The following ZNF385B variants were observed in gnomAD, a reference collection of about 807,000 sequenced individuals.
The protein encoded by ZNF385B is zinc finger protein 533.
ZNF385B carries 23 observed loss-of-function variants against 39.2 expected under a neutral mutation model. That is an observed-to-expected ratio of 0.59 (90% CI 0.42 to 0.83). The LOEUF (loss-of-function observed/expected upper bound fraction) is 0.83, where lower values mean the gene tolerates loss of function less well. Among genes scored for constraint, ZNF385B ranks in the 40% least tolerant of loss-of-function variants. The probability of loss-of-function intolerance (pLI) is 0.00; values close to 1 mark genes in which losing one functional copy is unlikely to be tolerated. For missense variants in ZNF385B, 552 were observed against 598.9 expected, an observed-to-expected ratio of 0.92 and a Z score of 0.82; for synonymous variants, 205 against 222.6, an observed-to-expected ratio of 0.92 and a Z score of 0.70.
intron 8 of ZNF385B, among the ~76,000 whole-genome samples, 181 bp downstream of exon 8, chr2:179,445,369 C>T (rs1291460818): frequency 1.3e-5 from 2 of 152,140 alleles, no homozygotes; most frequent in South Asian, 4.1e-4. Context: ...ACAGTAGATG[C>T]TCAAATATTT....
intron 1 of ZNF385B, among the ~76,000 whole-genome samples, chr2:179,791,202 C>T (rs1374872005): frequency 6.6e-6 from 1 of 152,140 alleles, no homozygotes. Flanking sequence ...TTTTTGTTGA[C>T]TCCTGGTTTT....
rs143220723 is a variant in ZNF385B, at chr2:179,728,606, A to C, written c.298+40897T>G. Reference sequence around the variant, plus strand: ...CCCATAGTTAATATGTTTTTAGCCCAAAATTTTTTAAAACTTTGATTTTAA... The same window carrying C: ...CCCATAGTTAATATGTTTTTAGCCCCAAATTTTTTAAAACTTTGATTTTAA... On this transcript the variant is annotated intron_variant, in intron 3 of 9. Transcript: ENST00000410066. Among the ~76,000 whole-genome samples, 260 of 152,280 alleles carry C rather than the reference A, an allele frequency of 1.7e-3. 3 individuals carry two copies. Among genetic ancestry groups the C allele is most frequent in the African/African-American group, 5.9e-3 (246 of 41,578 alleles).
chr2:179,527,038 T>A (rs1375880966), intron 4 of ZNF385B, among the ~76,000 whole-genome samples: 12 of 152,216 alleles, frequency 7.9e-5, no homozygotes, highest in Admixed American at 2.0e-4. Context: ...ACAGGTTACA[T>A]TACATCTAAG....
intron 1 of ZNF385B, among the ~76,000 whole-genome samples, chr2:179,794,802 G>A (rs1450796925): frequency 6.6e-6 from 1 of 152,042 alleles, no homozygotes; most frequent in African/African-American, 2.4e-5. Flanking sequence ...TGGATGAGAT[G>A]GGGACACCGC....
At chr2:179,499,923 T>TA (rs902802273) in intron 5 of ZNF385B, among the ~76,000 whole-genome samples, 2 of 151,790 alleles carry the variant, frequency 1.3e-5, no homozygotes, top group Admixed American at 6.6e-5. Context: ...TTAGGACTGA[T>TA]AAAAAAAATT....
chr2:179,452,317 C>A (rs867531904), intron 6 of ZNF385B, among the ~76,000 whole-genome samples: 4 of 152,086 alleles, frequency 2.6e-5, no homozygotes, highest in South Asian at 4.1e-4. Flanking sequence ...ACCCTTATTT[C>A]TTACTCCAAA....
intron 1 of ZNF385B, among the ~76,000 whole-genome samples, chr2:179,780,953 AAAAT>A (rs1704628389): frequency 6.6e-6 from 1 of 152,216 alleles, no homozygotes; most frequent in South Asian, 2.1e-4. Context: ...TAAATTGAAC[AAAAT>A]GCCCAGTCAA....
intron 3 of ZNF385B, among the ~76,000 whole-genome samples, chr2:179,574,486 C>A (rs991896483): frequency 6.6e-6 from 1 of 152,148 alleles, no homozygotes; most frequent in South Asian, 2.1e-4. Flanking sequence ...TAAGGAGCAG[C>A]GTGGGCTAAA....
rs767057398 is a variant in ZNF385B at position 179,549,138 on chromosome 2, T to A, written c.299-4169A>T. On this transcript the variant is annotated intron_variant, in intron 3 of 9. Coordinates refer to ENST00000410066, the MANE Select transcript of ZNF385B (RefSeq NM_152520.6). ...AGGTTTATCTATGTTGTAGCACGTATCAGAATTTCATTCATTTTTAAGGCT... is the reference window on the plus strand; with the variant it reads ...AGGTTTATCTATGTTGTAGCACGTAACAGAATTTCATTCATTTTTAAGGCT... 7.4e-5 allele frequency among the ~76,000 whole-genome samples: 11 copies of A among 149,634 alleles called. 1 individual carries two copies. Among genetic ancestry groups the A allele is most frequent in the Non-Finnish European group, 1.0e-4 (7 of 67,678 alleles).
At chr2:179,840,546 T>G (rs544837342) in intron 1 of ZNF385B, among the ~76,000 whole-genome samples, 4 of 152,332 alleles carry the variant, frequency 2.6e-5, no homozygotes, top group African/African-American at 7.2e-5. Flanking sequence ...AGGAGAGAGA[T>G]AAATTCAGTA....
In ZNF385B at chr2:179,518,713, T is replaced by A. The variant is rs1235352276; in HGVS notation, c.442-75A>T. On this transcript the variant is annotated intron_variant, in intron 4 of 9. Coordinates refer to ENST00000410066, the MANE Select transcript of ZNF385B (RefSeq NM_152520.6). Reference sequence around the variant, plus strand: ...AACAGTGTGAGCAAATAACAGTAGTTGAAATATTCCATAAAGTTTAAACTT... The same window carrying A: ...AACAGTGTGAGCAAATAACAGTAGTAGAAATATTCCATAAAGTTTAAACTT... 5 of 846,478 alleles carry A rather than the reference T, an allele frequency of 5.9e-6. 1 individual carries two copies. In the Middle Eastern group the frequency reaches 1.2e-3, roughly 208 times the overall value. 52.4% of individuals were successfully genotyped at this position (846,478 alleles called of 1,614,324 possible). A position where few individuals can be genotyped will look rare whatever the true frequency, so the allele number is the denominator to read the frequency against.
intron 4 of ZNF385B, among the ~76,000 whole-genome samples, chr2:179,535,801 T>C (rs1382388899): frequency 1.3e-5 from 2 of 152,206 alleles, no homozygotes; most frequent in East Asian, 3.8e-4. Flanking sequence ...ACTTCACAGA[T>C]TGCTAAACAG....
At chr2:179,637,259 G>A (rs1015825596) in intron 3 of ZNF385B, 2 of 152,156 alleles carry the variant, frequency 1.3e-5, no homozygotes, top group African/African-American at 2.4e-5. Context: ...AGTGATTATA[G>A]TGGCAGTAAT....
At chr2:179,450,608 T>C (rs564818185) in intron 6 of ZNF385B, among the ~76,000 whole-genome samples, 191 of 152,140 alleles carry the variant, frequency 1.3e-3, no homozygotes, top group African/African-American at 4.3e-3. Context: ...CAACAGGTGC[T>C]GGAGAGGATG....
At chr2:179,851,748 G>A (rs16867038) in intron 1 of ZNF385B, among the ~76,000 whole-genome samples, 11,229 of 152,134 alleles carry the variant, frequency 0.074, 481 homozygotes, top group African/African-American at 0.099. Flanking sequence ...AAAATTCTAT[G>A]GCTTGCAACT....
intron 1 of ZNF385B, among the ~76,000 whole-genome samples, chr2:179,821,211 C>A (rs1707374651): frequency 6.6e-6 from 1 of 152,210 alleles, no homozygotes; most frequent in African/African-American, 2.4e-5. Flanking sequence ...ATGCCCTCCT[C>A]TCTTTCCAAC....
At position 179,544,921 on chromosome 2, in the gene ZNF385B, G is replaced by T; in HGVS notation, c.347C>A (p.Thr116Asn). 6.2e-7 allele frequency: 1 copy of T among 1,614,138 alleles called. No homozygotes were observed. The change falls in exon 4 of 10, where the codon ACC becomes AAC. Residue 116 changes from threonine (T) to asparagine (N), a missense_variant. Coordinates refer to ENST00000410066, the MANE Select transcript of ZNF385B (RefSeq NM_152520.6). ...ATCCAGTGAAGGCTGCATCATCAGG[G>T]TAGGTGTGCGCACAAGAGCAGGAAG... Reference protein sequence around the residue: ...TTLPALVRTPTLMMQPSLDIK... With the variant: ...TTLPALVRTPNLMMQPSLDIK...
At chr2:179,814,975 T>C (rs916896451) in intron 1 of ZNF385B, among the ~76,000 whole-genome samples, 5 of 152,212 alleles carry the variant, frequency 3.3e-5, no homozygotes, top group African/African-American at 1.2e-4. Flanking sequence ...AGAATAAGAT[T>C]ATGGGTGATT....
chr2:179,664,864 T>C (rs1229572209), intron 3 of ZNF385B, among the ~76,000 whole-genome samples: 1 of 152,158 alleles, frequency 6.6e-6, no homozygotes, highest in African/African-American at 2.4e-5. Flanking sequence ...CATTGCAGGA[T>C]TTTTGTTTAT....
Sources: allele counts gnomAD v4.1 joint callset (sites outside exome capture counted in the v4.1 genomes callset), GRCh38; gene constraint gnomAD v4.1.1; transcripts MANE v1.5; gene names NCBI Gene and HGNC (gene_info 2026-07-23, HGNC 2026-07-21).